Variants in SDK2 observed in about 807,000 individuals in gnomAD.
SDK2 encodes protein sidekick-2.
In SDK2, 105 loss-of-function variants were observed where a neutral mutation model predicts 253.9. That is an observed-to-expected ratio of 0.41 (90% confidence interval 0.35 to 0.49). The LOEUF (loss-of-function observed/expected upper bound fraction) is 0.49, where lower values mean the gene tolerates loss of function less well. SDK2 is among the 20% of genes least tolerant of loss of function. SDK2 has a pLI of 0.06. For missense variants in SDK2, 2,608 were observed against 3,003.0 expected, an observed-to-expected ratio of 0.87 and a Z score of 3.07; for synonymous variants, 1,249 against 1,234.9, an observed-to-expected ratio of 1.01 and a Z score of -0.24.
Position 73,383,663 on chromosome 17 carries a change from G to C in SDK2, c.4705+213C>G, listed in dbSNP as rs942628320. Reference sequence around the variant, plus strand: ...AGGGACCCTGTCTGTCTTGATCATTGGTGTGCCCCACAGTGACTCGGGGCC... The same window carrying C: ...AGGGACCCTGTCTGTCTTGATCATTCGTGTGCCCCACAGTGACTCGGGGCC... On this transcript the variant is annotated intron_variant, in intron 33 of 44. Coordinates refer to ENST00000392650, the MANE Select transcript of SDK2 (RefSeq NM_001144952.2). This position sits in a 1 kb window ranked among gnomAD's most constrained non-coding sequence, Gnocchi z 4.3. Among the ~76,000 whole-genome samples, 1 of 152,168 alleles carries C rather than the reference G, an allele frequency of 6.6e-6. No individual in the cohort carries two copies. Among genetic ancestry groups the C allele is most frequent in the Non-Finnish European group, 1.5e-5 (1 of 68,034 alleles).
intron 1 of SDK2, among the ~76,000 whole-genome samples, chr17:73,602,035 C>T (rs957363006): frequency 6.6e-6 from 1 of 152,236 alleles, no homozygotes; most frequent in Admixed American, 6.5e-5. Flanking sequence ...TGAGCCGCCG[C>T]GCCCAGCCCA....
intron 2 of SDK2, among the ~76,000 whole-genome samples, chr17:73,505,181 A>G (rs1241218294): frequency 6.6e-6 from 1 of 152,232 alleles, no homozygotes; most frequent in Non-Finnish European, 1.5e-5. Context: ...GATACACATT[A>G]AGGAAGCAAT....
chr17:73,348,763 C>G (rs2062508505), intron 43 of SDK2, 38 bp from the exon 44 acceptor site: 1 of 1,585,044 alleles, frequency 6.3e-7, no homozygotes, highest in Admixed American at 1.7e-5. Flanking sequence ...GAGGTGCACT[C>G]ACTCAGAGCG....
Position 73,395,393 on chromosome 17 carries a change from C to T in SDK2, c.3355-1G>A. 4 of 1,613,238 alleles carry T rather than the reference C, an allele frequency of 2.5e-6. No homozygotes were observed. Among genetic ancestry groups the T allele is most frequent in the Non-Finnish European group, 3.4e-6 (4 of 1,179,312 alleles). The stretch of plus-strand genomic sequence containing the variant: ...CATTGTATTCCATCTCCGGGAGAGG[C>T]TGCAGCGGGGCAGGGGTGGCAAAGC... On this transcript the variant is annotated splice_acceptor_variant, in intron 24 of 44. Coordinates refer to ENST00000392650, the MANE Select transcript of SDK2 (RefSeq NM_001144952.2). LOFTEE classifies it high-confidence loss of function. This position sits in a 1 kb window ranked among gnomAD's most constrained non-coding sequence, Gnocchi z 4.3.
At chr17:73,580,180 A>T (rs1289536986) in intron 1 of SDK2, among the ~76,000 whole-genome samples, 6 of 151,918 alleles carry the variant, frequency 3.9e-5, no homozygotes, top group Non-Finnish European at 7.4e-5. Flanking sequence ...ATGAAAACAG[A>T]CGCCTTCCCT....
At chr17:73,546,311 G>A (rs998298947) in intron 1 of SDK2, among the ~76,000 whole-genome samples, 19 of 152,250 alleles carry the variant, frequency 1.2e-4, no homozygotes, top group Non-Finnish European at 1.3e-4. Context: ...CATGGCTCCC[G>A]GGACTTGACG....
intron 1 of SDK2, among the ~76,000 whole-genome samples, chr17:73,569,611 T>C (rs2045355800): frequency 1.4e-5 from 2 of 146,236 alleles, no homozygotes; most frequent in African/African-American, 5.0e-5. Flanking sequence ...ACGAATTAAA[T>C]CAGAATTAGT....
At chr17:73,630,612 A>G (rs2046256643) in intron 1 of SDK2, among the ~76,000 whole-genome samples, 1 of 152,106 alleles carries the variant, frequency 6.6e-6, no homozygotes, top group African/African-American at 2.4e-5. Flanking sequence ...GGACCCCTCA[A>G]GATCTTTCTC....
At chr17:73,448,662 T>A (rs2063470843) in intron 4 of SDK2, among the ~76,000 whole-genome samples, 1 of 147,846 alleles carries the variant, frequency 6.8e-6, no homozygotes, top group Non-Finnish European at 1.5e-5. Context: ...CTGTGCCCAG[T>A]CTTTTTTTTT....
At chr17:73,440,774 G>T in intron 6 of SDK2, 38 bp downstream of exon 6, 1 of 1,437,446 alleles carries the variant, frequency 7.0e-7, no homozygotes, top group Non-Finnish European at 9.6e-7. Context: ...AGCAGCTGGA[G>T]TTACGGGTGC....
At chr17:73,610,411 A>T (rs2045959158) in intron 1 of SDK2, among the ~76,000 whole-genome samples, 1 of 152,066 alleles carries the variant, frequency 6.6e-6, no homozygotes, top group Admixed American at 6.5e-5. Flanking sequence ...AAATCAATCA[A>T]CTGACCATTT....
chr17:73,519,550 T>G (rs2064059003), intron 1 of SDK2: 1 of 147,382 alleles, frequency 6.8e-6, no homozygotes, highest in Non-Finnish European at 1.5e-5. Context: ...AAAGGCCTAC[T>G]CCACACTGAG....
intron 2 of SDK2, among the ~76,000 whole-genome samples, chr17:73,473,287 G>A (rs529127441): frequency 5.9e-5 from 9 of 152,358 alleles, no homozygotes; most frequent in Admixed American, 2.0e-4. Context: ...GAGGAGGCAC[G>A]TCAGTGAGAG....
Position 73,435,732 on chromosome 17 carries a change from A to T in SDK2, c.1001-88T>A. On this transcript the variant is annotated intron_variant, in intron 8 of 44. Transcript: ENST00000392650. This position sits in a 1 kb window ranked among gnomAD's most constrained non-coding sequence, Gnocchi z 5.7. ...TGCTTGGGAGGAGGCCGGGCCCGGA[A>T]ATCTGCGAGGGGGTCCCTGGTGAAT... 1 of 1,233,378 alleles carries T rather than the reference A, an allele frequency of 8.1e-7. No homozygotes were observed. The highest frequency in any genetic ancestry group is 1.1e-6 in the Non-Finnish European group (1 of 903,656). 76.4% of individuals were successfully genotyped at this position (1,233,378 alleles called of 1,614,324 possible).
intron 1 of SDK2, among the ~76,000 whole-genome samples, chr17:73,604,642 C>T (rs74672530): frequency 0.015 from 2,261 of 152,172 alleles, 52 homozygotes; most frequent in East Asian, 0.041. Flanking sequence ...ATGAGGAGTG[C>T]GGGGCTGAGG....
chr17:73,556,120 G>A (rs914572778), intron 1 of SDK2, among the ~76,000 whole-genome samples: 2 of 152,252 alleles, frequency 1.3e-5, no homozygotes, highest in Non-Finnish European at 2.9e-5. Context: ...GCCAGGAAAC[G>A]ACACATGCAG....
At chr17:73,346,082 T>C (rs1437572434) in intron 44 of SDK2, among the ~76,000 whole-genome samples, 2 of 151,850 alleles carry the variant, frequency 1.3e-5, no homozygotes, top group Non-Finnish European at 2.9e-5. Context: ...GGCACACGCG[T>C]GTAATCCCAG....
intron 1 of SDK2, among the ~76,000 whole-genome samples, chr17:73,613,880 A>G (rs55733435): frequency 0.14 from 21,813 of 152,232 alleles, 1,690 homozygotes; most frequent in South Asian, 0.25. Flanking sequence ...CTGCAAATGA[A>G]GAGAGAGAGA....
chr17:73,406,029 C>G (rs1333503714), intron 18 of SDK2, among the ~76,000 whole-genome samples: 1 of 151,664 alleles, frequency 6.6e-6, no homozygotes, highest in Non-Finnish European at 1.5e-5. Context: ...GGCCCCTCCT[C>G]TTATATATCT....
Sources: allele counts gnomAD v4.1 joint callset (sites outside exome capture counted in the v4.1 genomes callset), GRCh38; gene constraint gnomAD v4.1.1; non-coding constraint Gnocchi (gnomAD v3.1); transcripts MANE v1.5; gene names NCBI Gene and HGNC (gene_info 2026-07-23, HGNC 2026-07-21).